MLXIPL: variants seen among roughly 807,000 people sequenced by gnomAD.
The protein encoded by MLXIPL is MLX interacting protein like.
In MLXIPL, 49 loss-of-function variants were observed where a neutral mutation model predicts 81.5. The observed-to-expected ratio is 0.60, with a 90% CI of 0.48 to 0.76. The LOEUF is 0.76. MLXIPL is among the 30% of genes least tolerant of loss of function. The pLI is 0.00. For missense variants in MLXIPL, 1,053 were observed against 1,167.0 expected (o/e 0.90, Z 1.42); for synonymous variants, 466 against 485.5 (o/e 0.96, Z 0.53).
At chr7:73,635,257 G>T in the MLXIPL span, among the ~76,000 whole-genome samples, 2 of 151,984 alleles carry the variant, frequency 1.3e-5, 1 homozygote, top group South Asian at 4.2e-4. Flanking sequence ...GAAAATCATT[G>T]ATCTTTGTGC....
chr7:73,630,049 G>A, the MLXIPL span, among the ~76,000 whole-genome samples: 35 of 151,356 alleles, frequency 2.3e-4, no homozygotes, highest in South Asian at 6.9e-3. Flanking sequence ...CCAGGCAGGA[G>A]TGCAGTGGCA....
At chr7:73,633,484 C>G in the MLXIPL span, among the ~76,000 whole-genome samples, 1 of 151,780 alleles carries the variant, frequency 6.6e-6, no homozygotes, top group Non-Finnish European at 1.5e-5. Context: ...ACGTGCCTGG[C>G]TAATTTTTGA....
At chr7:73,644,105 C>T in the MLXIPL span, among the ~76,000 whole-genome samples, 1 of 152,046 alleles carries the variant, frequency 6.6e-6, no homozygotes, top group Non-Finnish European at 1.5e-5. Context: ...ACTAGGCTGC[C>T]CAGACTGGTC....
chr7:73,616,194 G>A lies in MLXIPL; in HGVS notation c.294-17C>T, dbSNP rs1795999274. On this transcript the variant is annotated splice_polypyrimidine_tract_variant and intron_variant, in intron 1 of 16. Transcript: ENST00000313375. ...AGCTTGCCACTGTCAAAGGGGAGAG[G>A]AGTAGGGTTAGGGAGATGCAGTGCT... The A allele has an allele frequency of 6.3e-7, 1 of 1,597,666 alleles. No individual in the cohort carries two copies. The highest frequency in any genetic ancestry group is 1.1e-5 in the South Asian group (1 of 90,732).
At chr7:73,619,534 T>C (rs1448495289) in intron 1 of MLXIPL, among the ~76,000 whole-genome samples, 2 of 147,782 alleles carry the variant, frequency 1.4e-5, no homozygotes, top group African/African-American at 5.0e-5. Flanking sequence ...GAGGCTGCAG[T>C]GGGAAGATCG....
chr7:73,602,176 CT>C, intron 7 of MLXIPL, among the ~76,000 whole-genome samples: 1 of 148,588 alleles, frequency 6.7e-6, no homozygotes, highest in African/African-American at 2.5e-5. Flanking sequence ...TTCTTTCCCT[CT>C]CTCTCTTTCT....
chr7:73,623,798 G>C lies in MLXIPL; in HGVS notation c.293+402C>G, dbSNP rs997938062. ...GAAGGCCGAGGCCTGCAGGGGGTCG[G>C]GTGGAGTGGCTCCAGAGTGGAGAGT... is the stretch of plus-strand genomic sequence containing the variant. On this transcript the variant is annotated intron_variant, in intron 1 of 16. Coordinates refer to ENST00000313375, the MANE Select transcript of MLXIPL (RefSeq NM_032951.3). This position sits in a 1 kb window ranked among gnomAD's most constrained non-coding sequence, Gnocchi z 5.7. Among the ~76,000 whole-genome samples the C allele has an allele frequency of 3.9e-5, 6 of 152,032 alleles. No individual in the cohort carries two copies. Among genetic ancestry groups the C allele is most frequent in the Non-Finnish European group, 4.4e-5 (3 of 68,012 alleles).
Position 73,606,954 on chromosome 7 carries a change from T to G in MLXIPL, c.618+20A>C. The G allele has an allele frequency of 6.2e-7, 1 of 1,613,258 alleles. No homozygotes were observed. The highest frequency in any genetic ancestry group is 8.5e-7 in the Non-Finnish European group (1 of 1,179,718). On this transcript the variant is annotated intron_variant, in intron 5 of 16. Transcript: ENST00000313375. ...GGGGCAAAGGGATGCCCTTGCCTGC[T>G]GGACTTACAGAGCACCCACCTGCTT...
At chr7:73,607,140 C>A in intron 4 of MLXIPL, 122 bp from the exon 5 acceptor site, 1 of 1,395,380 alleles carries the variant, frequency 7.2e-7, no homozygotes, top group South Asian at 1.2e-5. Context: ...GCTCACCCGA[C>A]CCCTAGGTAA....
rs782576339 is a variant in MLXIPL at position 73,596,143 on chromosome 7, C to T, written c.2058+10G>A. 13 of 1,611,430 alleles carry T rather than the reference C, an allele frequency of 8.1e-6. No homozygotes were observed. The highest frequency in any genetic ancestry group is 1.8e-4 in the Middle Eastern group (1 of 5,434). ...GGTTTTGGGGGTGCCAGCCTGGGCC[C>T]GGGGCTCACCTTGAGGCTGGGCTGG... On this transcript the variant is annotated intron_variant, in intron 13 of 16. Transcript: ENST00000313375. This position sits in a 1 kb window ranked among gnomAD's most constrained non-coding sequence, Gnocchi z 4.7.
chr7:73,616,738 C>T (rs1796026803), intron 1 of MLXIPL, among the ~76,000 whole-genome samples: 1 of 151,132 alleles, frequency 6.6e-6, no homozygotes, highest in Non-Finnish European at 1.5e-5. Flanking sequence ...ATCCCAGCTA[C>T]TCAGGAGGCT....
chr7:73,641,216 TG>T, the MLXIPL span, among the ~76,000 whole-genome samples: 1 of 151,974 alleles, frequency 6.6e-6, no homozygotes, highest in Non-Finnish European at 1.5e-5. Flanking sequence ...TTGCTTGAGC[TG>T]GGGAGGGTGA....
At chr7:73,629,094 G>C (rs1796796779), upstream of MLXIPL, among the ~76,000 whole-genome samples, 1 of 150,732 alleles carries the variant, frequency 6.6e-6, no homozygotes, top group Non-Finnish European at 1.5e-5. Flanking sequence ...CCAGGCTGGA[G>C]TGCAGTGGCG....
chr7:73,607,270 G>A (rs1471422496), intron 4 of MLXIPL, 61 bp downstream of exon 4: 2 of 1,488,648 alleles, frequency 1.3e-6, no homozygotes, highest in Non-Finnish European at 1.8e-6. Flanking sequence ...TTCCGAGGCG[G>A]GCGGTAGCCG....
At chr7:73,637,059 C>CAAAAAAAAAA in the MLXIPL span, among the ~76,000 whole-genome samples, 5 of 119,626 alleles carry the variant, frequency 4.2e-5, no homozygotes, top group East Asian at 2.6e-4. Flanking sequence ...GATTCCATCT[C>CAAAAAAAAAA]AAAAAAAAAA....
At chr7:73,609,062 G>T (rs1372056149) in intron 2 of MLXIPL, among the ~76,000 whole-genome samples, 1 of 151,946 alleles carries the variant, frequency 6.6e-6, no homozygotes. Flanking sequence ...TCTTGTCTTG[G>T]CCTCCCAAGG....
chr7:73,628,438 C>A (rs978492027), upstream of MLXIPL, among the ~76,000 whole-genome samples: 1 of 152,172 alleles, frequency 6.6e-6, no homozygotes, highest in African/African-American at 2.4e-5. Flanking sequence ...CCTGACTGCA[C>A]AATGCAAAAC....
At chr7:73,602,396 C>A (rs192726981) in intron 7 of MLXIPL, among the ~76,000 whole-genome samples, 1 of 150,244 alleles carries the variant, frequency 6.7e-6, no homozygotes, top group Non-Finnish European at 1.5e-5. Flanking sequence ...CCAGGCCAGG[C>A]GCGGTGGCTC....
chr7:73,598,750 G>T (rs1450319738), intron 8 of MLXIPL, among the ~76,000 whole-genome samples: 1 of 152,062 alleles, frequency 6.6e-6, no homozygotes, highest in Non-Finnish European at 1.5e-5. Context: ...CTCAGCAACC[G>T]ATTAGAATTA....
Sources: gnomAD v4.1 joint callset for allele counts (sites outside exome capture counted in the v4.1 genomes callset) on GRCh38, gnomAD v4.1.1 for gene constraint, Gnocchi (gnomAD v3.1) non-coding constraint, MANE v1.5 for transcripts, NCBI Gene and HGNC (gene_info 2026-07-23, HGNC 2026-07-21) for gene names.